The following DSCAML1 variants were observed in gnomAD, a reference collection of about 807,000 sequenced individuals.
DSCAML1 encodes DS cell adhesion molecule like 1, also known as cell adhesion molecule DSCAML1.
A neutral mutation model predicts 200.5 loss-of-function variants in DSCAML1; 38 were observed. That is an observed-to-expected ratio of 0.19 (90% confidence interval 0.15 to 0.25). The LOEUF (loss-of-function observed/expected upper bound fraction) is 0.25, where lower values mean the gene tolerates loss of function less well. Among genes scored for constraint, DSCAML1 ranks in the 10% least tolerant of loss-of-function variants. The probability of loss-of-function intolerance (pLI) is 1.00; values close to 1 mark genes in which losing one functional copy is unlikely to be tolerated. For missense variants in DSCAML1, 2,223 were observed against 2,858.8 expected (o/e 0.78, Z 5.07); for synonymous variants, 1,215 against 1,165.0 (o/e 1.04, Z -0.87).
chr11:117,535,442 C>T (rs1330363545), intron 3 of DSCAML1, among the ~76,000 whole-genome samples: 2 of 152,188 alleles, frequency 1.3e-5, no homozygotes, highest in Non-Finnish European at 2.9e-5. Flanking sequence ...TGCCCGGCTC[C>T]AGCACACAGA....
Position 117,505,572 on chromosome 11 carries a change from C to T in DSCAML1, c.1944G>A (p.Lys648=), listed in dbSNP as rs1188933440. 1 of 1,613,814 alleles carries T rather than the reference C, an allele frequency of 6.2e-7. No individual in the cohort carries two copies. Among genetic ancestry groups the T allele is most frequent in the Non-Finnish European group, 8.5e-7 (1 of 1,180,022 alleles). The stretch of plus-strand genomic sequence containing the variant: ...AGATCTGCAGGGAGCTCATGAATTC[C>T]TTGCTCTCGATGGTCACGCCCGAGC... ...ISGSGVTIES[K]EFMSSLQISS... Residue 648 remains lysine, a synonymous_variant, in exon 9 of 33, where the codon AAG becomes AAA. Transcript: ENST00000651296. This position sits in a 1 kb window ranked among gnomAD's most constrained non-coding sequence, Gnocchi z 6.7.
intron 27 of DSCAML1, 78 bp from the exon 28 acceptor site, chr11:117,433,549 A>G: frequency 1.3e-6 from 2 of 1,516,346 alleles, no homozygotes; most frequent in Middle Eastern, 1.7e-4. Flanking sequence ...GGCATGGGAA[A>G]CAAGGTGGAG....
intron 11 of DSCAML1, among the ~76,000 whole-genome samples, chr11:117,496,455 T>G (rs1433007138): frequency 2.0e-5 from 3 of 152,194 alleles, no homozygotes; most frequent in Non-Finnish European, 2.9e-5. Flanking sequence ...CTAAGCTCTG[T>G]GCCTGCCTGC....
At chr11:117,630,321 G>A (rs1018161648) in intron 3 of DSCAML1, among the ~76,000 whole-genome samples, 7 of 152,168 alleles carry the variant, frequency 4.6e-5, no homozygotes, top group African/African-American at 1.4e-4. Context: ...CACGTCACAT[G>A]CCTGCTTGCT....
rs1244858839 is a variant in DSCAML1, at chr11:117,498,394, G to C, written c.2359+5451C>G. On this transcript the variant is annotated intron_variant, in intron 11 of 32. Transcript: ENST00000651296. This position sits in a 1 kb window ranked among gnomAD's most constrained non-coding sequence, Gnocchi z 4.0. ...GAGGACAGTCTGTGGAGGAGCCCTC[G>C]GGAGGTCCTGGAAGCAGGGAATTCC... Among the ~76,000 whole-genome samples, 1 of 152,194 alleles carries C rather than the reference G, an allele frequency of 6.6e-6. No homozygotes were observed. Among genetic ancestry groups the C allele is most frequent in the Non-Finnish European group, 1.5e-5 (1 of 68,034 alleles).
At position 117,465,192 on chromosome 11, in the gene DSCAML1, T is replaced by C; in HGVS notation, c.3025-10A>G. On this transcript the variant is annotated splice_polypyrimidine_tract_variant and intron_variant, in intron 16 of 32. Coordinates refer to ENST00000651296, the MANE Select transcript of DSCAML1 (RefSeq NM_020693.4). ...GCTCCTTCTTGGGTGCCTGTGAGCA[T>C]GGGGTGGGGGTGGGCACAAAGAAAT... 7 of 1,589,686 alleles carry C rather than the reference T, an allele frequency of 4.4e-6. No homozygotes were observed. The highest frequency in any genetic ancestry group is 6.0e-6 in the Non-Finnish European group (7 of 1,160,322).
At chr11:117,620,614 TC>T (rs2051908685) in intron 3 of DSCAML1, among the ~76,000 whole-genome samples, 2 of 152,130 alleles carry the variant, frequency 1.3e-5, no homozygotes, top group Admixed American at 1.3e-4. Context: ...TGTCCTCTCC[TC>T]CCGCATGTCA....
At chr11:117,576,664 C>A (rs925257101) in intron 3 of DSCAML1, among the ~76,000 whole-genome samples, 1 of 152,036 alleles carries the variant, frequency 6.6e-6, no homozygotes, top group African/African-American at 2.4e-5. Context: ...CCTCATACAA[C>A]AGAGTCAAGG....
intron 3 of DSCAML1, among the ~76,000 whole-genome samples, chr11:117,568,679 C>A (rs2050797209): frequency 6.6e-6 from 1 of 152,156 alleles, no homozygotes; most frequent in Non-Finnish European, 1.5e-5. Context: ...TGAACGACCT[C>A]TTCAAGGAGA....
chr11:117,593,059 C>T (rs1476504319), intron 3 of DSCAML1, among the ~76,000 whole-genome samples: 1 of 152,254 alleles, frequency 6.6e-6, no homozygotes, highest in Non-Finnish European at 1.5e-5. Flanking sequence ...TGGCACAGTT[C>T]CTGGCACTTA....
chr11:117,518,366 C>T lies in DSCAML1; in HGVS notation c.1510+100G>A, dbSNP rs1022690939. ...GAGACCTCTACTAAAATCAAAATGA[C>T]GATTAATAATAAGTACTAATCAGCA... On this transcript the variant is annotated intron_variant, in intron 7 of 32. Transcript: ENST00000651296. The surrounding 1 kb of genome is among the most constrained non-coding windows in gnomAD (Gnocchi z 6.3). 1.2e-5 allele frequency: 18 copies of T among 1,494,136 alleles called. No individual in the cohort carries two copies. The highest frequency in any genetic ancestry group is 6.8e-5 in the East Asian group (3 of 44,314). 92.6% of individuals were successfully genotyped at this position (1,494,136 alleles called of 1,614,324 possible). A position where few individuals can be genotyped will look rare whatever the true frequency, so the allele number is the denominator to read the frequency against.
At chr11:117,790,955 T>C (rs992389642) in intron 1 of DSCAML1, among the ~76,000 whole-genome samples, 1 of 152,208 alleles carries the variant, frequency 6.6e-6, no homozygotes, top group Non-Finnish European at 1.5e-5. Flanking sequence ...TGAATAATTG[T>C]TGTTAATGAA....
chr11:117,556,467 C>T (rs2050560675), intron 3 of DSCAML1, among the ~76,000 whole-genome samples: 1 of 152,164 alleles, frequency 6.6e-6, no homozygotes, highest in South Asian at 2.1e-4. Context: ...CCTTTCCTTT[C>T]TCGACTCACA....
At chr11:117,815,408 T>C (rs951502394) in intron 1 of DSCAML1, among the ~76,000 whole-genome samples, 1 of 152,144 alleles carries the variant, frequency 6.6e-6, no homozygotes, top group Admixed American at 6.5e-5. Flanking sequence ...TTTTCCACCT[T>C]CCACGGTGTG....
At chr11:117,799,256 C>A (rs79449280), upstream of DSCAML1, among the ~76,000 whole-genome samples, 5,987 of 152,246 alleles carry the variant, frequency 0.039, 321 homozygotes, top group African/African-American at 0.12. Context: ...TGACCCAGAG[C>A]ACCTGGTCAG....
chr11:117,731,868 G>A (rs564378138), intron 3 of DSCAML1, among the ~76,000 whole-genome samples: 4 of 152,344 alleles, frequency 2.6e-5, no homozygotes, highest in Admixed American at 2.0e-4. Context: ...AACCTGGGCA[G>A]ACACAGCTGG....
intron 19 of DSCAML1, among the ~76,000 whole-genome samples, chr11:117,452,591 T>A (rs2048302608): frequency 1.3e-5 from 2 of 152,236 alleles, no homozygotes; most frequent in African/African-American, 4.8e-5. Flanking sequence ...TTAGTTAATT[T>A]ATCTTTAATG....
In DSCAML1 at chr11:117,428,374, T is replaced by C; in HGVS notation, c.6116A>G (p.Gln2039Arg). 1.3e-6 allele frequency: 2 copies of C among 1,592,548 alleles called. No individual in the cohort carries two copies. Among genetic ancestry groups the C allele is most frequent in the Non-Finnish European group, 1.7e-6 (2 of 1,170,690 alleles). The change falls in exon 33 of 33, where the codon CAG (glutamine) becomes CGG (arginine). Residue 2039 changes from glutamine to arginine, a missense_variant. Gln to Arg is a conservative substitution (Grantham distance 43, BLOSUM62 1). Around this residue, in one of 7 missense-constraint regions of DSCAML1, gnomAD observed 280 missense variants for 213.4 expected, o/e 1.31. Transcript: ENST00000651296. ...GGAGTAGGCCCCGGCCCCCTGCTTC[T>C]GAGACCTCCCTACCCCCGATGTGCT... ...EMSTSGVGRS[Q>R]KQGAGAYSKS... is the part of the protein sequence containing the mutation.
intron 3 of DSCAML1, among the ~76,000 whole-genome samples, chr11:117,550,995 C>A (rs1459988488): frequency 6.6e-6 from 1 of 152,220 alleles, no homozygotes; most frequent in Non-Finnish European, 1.5e-5. Flanking sequence ...TCTCAGGATG[C>A]CCCTTTTCTC....
Sources: gnomAD v4.1 joint callset for allele counts (sites outside exome capture counted in the v4.1 genomes callset) on GRCh38, gnomAD v4.1.1 for gene constraint, gnomAD v4.1.1 regional missense constraint, Gnocchi (gnomAD v3.1) non-coding constraint, MANE v1.5 for transcripts, NCBI Gene and HGNC (gene_info 2026-07-23, HGNC 2026-07-21) for gene names.